Variants in PPP1R26 observed in about 807,000 individuals in gnomAD.
PPP1R26 encodes the protein 1A6/DRIM (down-regulated in metastasis) interacting protein.
A neutral mutation model predicts 67.6 loss-of-function variants in PPP1R26; 22 were observed. That is an observed-to-expected ratio of 0.33 (90% CI 0.23 to 0.46). The LOEUF is 0.46. Among genes scored for constraint, PPP1R26 ranks in the 20% least tolerant of loss-of-function variants. The pLI, the probability that PPP1R26 is intolerant of heterozygous loss-of-function variation, is 1.00. For missense variants in PPP1R26, 1,602 were observed against 1,651.4 expected (o/e 0.97, Z 0.52); for synonymous variants, 729 against 717.2 (o/e 1.02, Z -0.26).
In PPP1R26 at chr9:135,487,063, G is replaced by T. The variant is rs758457035; in HGVS notation, c.2553G>T (p.Glu851Asp). 6.2e-7 allele frequency: 1 copy of T among 1,611,444 alleles called. No individual in the cohort carries two copies. Among genetic ancestry groups the T allele is most frequent in the South Asian group, 1.1e-5 (1 of 90,960 alleles). The change falls in exon 4 of 4, where the codon GAG becomes GAT. Residue 851 changes from glutamate to aspartate, a missense_variant. Coordinates refer to ENST00000356818, the MANE Select transcript of PPP1R26 (RefSeq NM_014811.5). ...AGTTTTTGGCGGAAAAGGCCAAGGA[G>T]TCAGTGAGCAGTTCAGAAGTTCAGG... ...IRKFLAEKAK[E>D]SVSSSEVQAE...
In PPP1R26 at chr9:135,487,504, C is replaced by T. The variant is rs1173995139; in HGVS notation, c.2994C>T (p.His998=). ...CAGGAGGCGCCAGAGGAACCTTTCA[C>T]ATGGGCTGCGGGAGCCCGAGCTTCC... ...TEAGGARGTF[H]MGCGSPSFLT... The change falls in exon 4 of 4, where the codon CAC becomes CAT. Residue 998 remains histidine (H), a synonymous_variant. Transcript: ENST00000356818. The T allele has an allele frequency of 1.9e-6, 3 of 1,608,810 alleles. No individual in the cohort carries two copies. Among genetic ancestry groups the T allele is most frequent in the South Asian group, 1.1e-5 (1 of 90,720 alleles).
In PPP1R26 at chr9:135,486,957, G is replaced by A; in HGVS notation, c.2447G>A (p.Gly816Asp). 1 of 1,612,970 alleles carries A rather than the reference G, an allele frequency of 6.2e-7. No homozygotes were observed. The highest frequency in any genetic ancestry group is 8.5e-7 in the Non-Finnish European group (1 of 1,180,018). ...EGNPFPRESQGPAPSPGSLSD... is the reference protein window; with the variant it reads ...EGNPFPRESQDPAPSPGSLSD... The stretch of plus-strand genomic sequence containing the variant: ...AATCCATTCCCCAGGGAGTCCCAGG[G>A]CCCAGCTCCCAGCCCCGGCTCCCTG... Residue 816 changes from glycine to aspartate, a missense_variant, in exon 4 of 4, where the codon GGC becomes GAC. By Grantham distance (94) the Gly-to-Asp change is moderately conservative. Transcript: ENST00000356818. This position sits in a 1 kb window ranked among gnomAD's most constrained non-coding sequence, Gnocchi z 6.2.
Position 135,485,935 on chromosome 9 carries a change from G to A in PPP1R26, c.1425G>A (p.Ala475=), listed in dbSNP as rs79627997. Residue 475 remains alanine, a synonymous_variant, in exon 4 of 4, where the codon GCG becomes GCA. Coordinates refer to ENST00000356818, the MANE Select transcript of PPP1R26 (RefSeq NM_014811.5). This position sits in a 1 kb window ranked among gnomAD's most constrained non-coding sequence, Gnocchi z 7.2. ...SEFVERSSCR[A]DTSAELMCAE... ...TTGTGGAACGGTCCTCGTGCCGGGC[G>A]GACACATCTGCTGAGCTGATGTGTG... 2.9e-4 allele frequency: 466 copies of A among 1,613,450 alleles called. 2 individuals carry two copies. In the African/African-American group the frequency reaches 5.3e-3, roughly 18 times the overall value.
At chr9:135,479,098 G>C (rs1564200743), upstream of PPP1R26, 1 of 152,272 alleles carries the variant, frequency 6.6e-6, no homozygotes, top group Non-Finnish European at 1.5e-5. This position sits in a 1 kb window ranked among gnomAD's most constrained non-coding sequence, Gnocchi z 5.9. Flanking sequence ...AGCAGAAACA[G>C]CAGCGGCCTC....
rs767896126 is a variant in PPP1R26, at chr9:135,484,505, G to A, written c.-6G>A. On this transcript the variant is annotated 5_prime_UTR_variant, in exon 4 of 4. Transcript: ENST00000356818. The stretch of plus-strand genomic sequence containing the variant: ...CCCCTCTGCGCGCCCCTCCCCGTCT[G>A]CTAGAATGTTTCTCATGAACGCTTC... 18 of 1,582,460 alleles carry A rather than the reference G, an allele frequency of 1.1e-5. No individual in the cohort carries two copies. The highest frequency in any genetic ancestry group is 1.4e-5 in the Non-Finnish European group (16 of 1,166,880).
chr9:135,481,607 C>T (rs564999929), intron 1 of PPP1R26, among the ~76,000 whole-genome samples: 33 of 151,552 alleles, frequency 2.2e-4, no homozygotes, highest in Non-Finnish European at 4.3e-4. Context: ...CCTGGGGAGA[C>T]GACCCCCCTC....
rs144320439 is a variant in PPP1R26, at chr9:135,488,031, G to A, written c.3521G>A (p.Arg1174Gln). The A allele has an allele frequency of 4.5e-5, 73 of 1,610,714 alleles. No homozygotes were observed. The highest frequency in any genetic ancestry group is 1.3e-4 in the East Asian group (6 of 44,808). Residue 1174 changes from arginine to glutamine, a missense_variant, in exon 4 of 4, where the codon CGA (arginine) becomes CAA (glutamine). Physicochemically the swap from Arg to Gln is conservative, Grantham distance 43. This residue lies in a region of PPP1R26 where 740 missense variants were observed against 696.3 expected (regional missense o/e 1.06). Coordinates refer to ENST00000356818, the MANE Select transcript of PPP1R26 (RefSeq NM_014811.5). ...EESILDLRYRRRVNRDDQEQD... is the reference protein window; with the variant it reads ...EESILDLRYRQRVNRDDQEQD... ...AGCATTTTAGACCTGAGGTATCGAC[G>A]AAGGGTCAACAGGGATGACCAGGAG...
rs1830641240 is a variant in PPP1R26, at chr9:135,484,658, C to T, written c.148C>T (p.Leu50Phe). Residue 50 changes from leucine (L) to phenylalanine (F), a missense_variant, in exon 4 of 4, where the codon CTT becomes TTT. Physicochemically the swap from Leu to Phe is conservative, Grantham distance 22. Around this residue, in one of 5 missense-constraint regions of PPP1R26, gnomAD observed 168 missense variants for 176.1 expected, o/e 0.95. Coordinates refer to ENST00000356818, the MANE Select transcript of PPP1R26 (RefSeq NM_014811.5). ...SASVSARVQM[L>F]ISTLQRDGAA... ...GTCGGTGAGCGCCCGGGTGCAGATGCTTATCAGCACTCTGCAGCGCGACGG... is the reference window on the plus strand; with the variant it reads ...GTCGGTGAGCGCCCGGGTGCAGATGTTTATCAGCACTCTGCAGCGCGACGG... 6.2e-6 allele frequency: 10 copies of T among 1,611,144 alleles called. No homozygotes were observed. Among genetic ancestry groups the T allele is most frequent in the East Asian group, 4.5e-5 (2 of 44,868 alleles).
In PPP1R26 at chr9:135,488,409, G is replaced by T. The variant is rs1038404570; in HGVS notation, c.*269G>T. 9 of 398,534 alleles carry T rather than the reference G, an allele frequency of 2.3e-5. No homozygotes were observed. The highest frequency in any genetic ancestry group is 3.2e-5 in the Non-Finnish European group (8 of 246,254). The allele number at this position is 398,534 out of a possible 1,614,324, so 24.7% of individuals were successfully genotyped here. On this transcript the variant is annotated 3_prime_UTR_variant, in exon 4 of 4. Coordinates refer to ENST00000356818, the MANE Select transcript of PPP1R26 (RefSeq NM_014811.5). The stretch of plus-strand genomic sequence containing the variant: ...TCAATTTTGTAGGGTGTTCCTAACT[G>T]CAGTTTTCTGTGTTCTGCATACAAG...
chr9:135,484,668 C>T lies in PPP1R26; in HGVS notation c.158C>T (p.Thr53Ile), dbSNP rs750268385. Residue 53 changes from threonine (T) to isoleucine (I), a missense_variant, in exon 4 of 4, where the codon ACT (threonine) becomes ATT (isoleucine). Thr to Ile is a moderately conservative substitution (Grantham distance 89). This residue lies in a region of PPP1R26 where 168 missense variants were observed against 176.1 expected (regional missense o/e 0.95). Transcript: ENST00000356818. ...GCCCGGGTGCAGATGCTTATCAGCA[C>T]TCTGCAGCGCGACGGGGCTGCTCGG... ...VSARVQMLIS[T>I]LQRDGAARGT... 5 of 1,610,892 alleles carry T rather than the reference C, an allele frequency of 3.1e-6. No homozygotes were observed. The highest frequency in any genetic ancestry group is 4.2e-6 in the Non-Finnish European group (5 of 1,179,892).
In PPP1R26 at chr9:135,486,966, C is replaced by T. The variant is rs1460604870; in HGVS notation, c.2456C>T (p.Pro819Leu). 4.3e-6 allele frequency: 7 copies of T among 1,612,832 alleles called. No homozygotes were observed. Among genetic ancestry groups the T allele is most frequent in the African/African-American group, 4.0e-5 (3 of 74,936 alleles). ...PFPRESQGPA[P>L]SPGSLSDDSS... ...CCCAGGGAGTCCCAGGGCCCAGCTCCCAGCCCCGGCTCCCTGTCTGATGAC... is the reference window on the plus strand; with the variant it reads ...CCCAGGGAGTCCCAGGGCCCAGCTCTCAGCCCCGGCTCCCTGTCTGATGAC... The change falls in exon 4 of 4, where the codon CCC becomes CTC. Residue 819 changes from proline to leucine, a missense_variant. Pro to Leu is a moderately conservative substitution (Grantham distance 98). This residue lies in a region of PPP1R26 where 740 missense variants were observed against 696.3 expected (regional missense o/e 1.06). Coordinates refer to ENST00000356818, the MANE Select transcript of PPP1R26 (RefSeq NM_014811.5). This position sits in a 1 kb window ranked among gnomAD's most constrained non-coding sequence, Gnocchi z 6.2.
rs149335898 is a variant in PPP1R26, at chr9:135,485,287, C to T, written c.777C>T (p.Ser259=). ...AGAAACCAGACACAAATGAAAATTC[C>T]GCCAAGTCACTCTTGAAATCCCACC... ...VEKKPDTNEN[S]AKSLLKSHQE... The change falls in exon 4 of 4, where the codon TCC becomes TCT. Residue 259 remains serine (S), a synonymous_variant. Coordinates refer to ENST00000356818, the MANE Select transcript of PPP1R26 (RefSeq NM_014811.5). This position sits in a 1 kb window ranked among gnomAD's most constrained non-coding sequence, Gnocchi z 7.2. 23 of 1,613,002 alleles carry T rather than the reference C, an allele frequency of 1.4e-5. No individual in the cohort carries two copies. In the South Asian group the frequency reaches 1.6e-4, roughly 12 times the overall value.
rs1830561304 is a variant in PPP1R26 at position 135,482,717 on chromosome 9, C to T, written c.-294C>T. On this transcript the variant is annotated 5_prime_UTR_variant, in exon 2 of 4. Transcript: ENST00000356818. ...TATTGAAAAAGCAGAGAGAGAATGC[C>T]TCGGTGTGTAAGTGGAGTGATGAGG... 1 of 398,530 alleles carries T rather than the reference C, an allele frequency of 2.5e-6. No individual in the cohort carries two copies. The allele number at this position is 398,530 out of a possible 1,614,324, so 24.7% of individuals were successfully genotyped here.
Position 135,482,731 on chromosome 9 carries a change from G to A in PPP1R26, c.-280G>A, listed in dbSNP as rs1830561707. ...AGAGAGAATGCCTCGGTGTGTAAGT[G>A]GAGTGATGAGGACCTGATCTCTGGG... On this transcript the variant is annotated 5_prime_UTR_variant, in exon 2 of 4. Coordinates refer to ENST00000356818, the MANE Select transcript of PPP1R26 (RefSeq NM_014811.5). The A allele has an allele frequency of 2.5e-6, 1 of 398,450 alleles. No individual in the cohort carries two copies. 24.7% of individuals were successfully genotyped at this position (398,450 alleles called of 1,614,324 possible).
chr9:135,487,541 C>A lies in PPP1R26; in HGVS notation c.3031C>A (p.Pro1011Thr), dbSNP rs1459117507. 1 of 1,585,616 alleles carries A rather than the reference C, an allele frequency of 6.3e-7. No individual in the cohort carries two copies. Among genetic ancestry groups the A allele is most frequent in the Admixed American group, 1.8e-5 (1 of 55,272 alleles). Reference sequence around the variant, plus strand: ...GAGCCCGAGCTTCCTGACCCCCAGCCCGGGAGCGGAGAGGGACGCTGGAGC... The same window carrying A: ...GAGCCCGAGCTTCCTGACCCCCAGCACGGGAGCGGAGAGGGACGCTGGAGC... ...CGSPSFLTPS[P>T]GAERDAGAQA... Residue 1011 changes from proline (P) to threonine (T), a missense_variant, in exon 4 of 4, where the codon CCG becomes ACG. Pro to Thr is a conservative substitution (Grantham distance 38). Around this residue, in one of 5 missense-constraint regions of PPP1R26, gnomAD observed 740 missense variants for 696.3 expected, o/e 1.06. Transcript: ENST00000356818.
Position 135,486,155 on chromosome 9 carries a change from G to C in PPP1R26, c.1645G>C (p.Gly549Arg), listed in dbSNP as rs1429962306. ...RTFLALKAQSGSLLARGESCP... is the reference protein window; with the variant it reads ...RTFLALKAQSRSLLARGESCP... ...ATTTTTGGCCCTAAAGGCGCAGTCA[G>C]GGAGTTTGCTGGCCAGAGGTGAGAG... The change falls in exon 4 of 4, where the codon GGG (glycine) becomes CGG (arginine). Residue 549 changes from glycine (G) to arginine (R), a missense_variant. This residue lies in a region of PPP1R26 where 680 missense variants were observed against 726.1 expected (regional missense o/e 0.94). Transcript: ENST00000356818. The surrounding 1 kb of genome is among the most constrained non-coding windows in gnomAD (Gnocchi z 6.2). 6.2e-7 allele frequency: 1 copy of C among 1,613,044 alleles called. No homozygotes were observed. Among genetic ancestry groups the C allele is most frequent in the African/African-American group, 1.3e-5 (1 of 75,064 alleles).
chr9:135,481,650 G>C (rs1042363985), intron 1 of PPP1R26, among the ~76,000 whole-genome samples: 1 of 151,380 alleles, frequency 6.6e-6, no homozygotes. Flanking sequence ...ATGGAGTCTC[G>C]TTCTGTCTCC....
At position 135,484,972 on chromosome 9, in the gene PPP1R26, G is replaced by T. The variant is rs1830656638; in HGVS notation, c.462G>T (p.Gly154=). 2 of 1,578,622 alleles carry T rather than the reference G, an allele frequency of 1.3e-6. No homozygotes were observed. The highest frequency in any genetic ancestry group is 1.7e-6 in the Non-Finnish European group (2 of 1,163,660). Reference sequence around the variant, plus strand: ...GAGCCGCACAGCCCGGGGCCGGCGGGGCCCAGCCAGGTGCAGCCCAGCCTT... The same window carrying T: ...GAGCCGCACAGCCCGGGGCCGGCGGTGCCCAGCCAGGTGCAGCCCAGCCTT... ...KSGAAQPGAG[G]AQPGAAQPSR... is the part of the protein sequence containing the mutation. The change falls in exon 4 of 4, where the codon GGG becomes GGT. Residue 154 remains glycine, a synonymous_variant. Transcript: ENST00000356818.
Position 135,487,198 on chromosome 9 carries a change from G to C in PPP1R26, c.2688G>C (p.Arg896Ser). The C allele has an allele frequency of 6.2e-7, 1 of 1,603,182 alleles. No individual in the cohort carries two copies. The highest frequency in any genetic ancestry group is 8.5e-7 in the Non-Finnish European group (1 of 1,176,192). Residue 896 changes from arginine to serine, a missense_variant, in exon 4 of 4, where the codon AGG (arginine) becomes AGC (serine). Arg to Ser is a moderately radical substitution (Grantham distance 110). Around this residue, in one of 5 missense-constraint regions of PPP1R26, gnomAD observed 740 missense variants for 696.3 expected, o/e 1.06. Transcript: ENST00000356818. Reference protein sequence around the residue: ...PGVCTRSQRARGVPHLAEGLR... With the variant: ...PGVCTRSQRASGVPHLAEGLR... Reference sequence around the variant, plus strand: ...TGTGCACACGCAGCCAGAGGGCCAGGGGGGTCCCACATCTGGCCGAAGGGC... The same window carrying C: ...TGTGCACACGCAGCCAGAGGGCCAGCGGGGTCCCACATCTGGCCGAAGGGC...
Sources: gnomAD v4.1 joint callset for allele counts (sites outside exome capture counted in the v4.1 genomes callset) on GRCh38, gnomAD v4.1.1 for gene constraint, gnomAD v4.1.1 regional missense constraint, Gnocchi (gnomAD v3.1) non-coding constraint, MANE v1.5 for transcripts, NCBI Gene and HGNC (gene_info 2026-07-23, HGNC 2026-07-21) for gene names.